STXBP5L: variants seen among roughly 807,000 people sequenced by gnomAD.
STXBP5L encodes the protein syntaxin binding protein 5L.
Under a neutral mutation model 144.5 loss-of-function variants are expected in STXBP5L, and 65 were observed. That is an observed-to-expected ratio of 0.45 (90% CI 0.37 to 0.55). STXBP5L has a LOEUF of 0.55. Among genes scored for constraint, STXBP5L ranks in the 20% least tolerant of loss-of-function variants. The pLI, the probability that STXBP5L is intolerant of heterozygous loss-of-function variation, is 0.00. For missense variants in STXBP5L, 1,298 were observed against 1,405.5 expected (o/e 0.92, Z 1.22); for synonymous variants, 505 against 469.6 (o/e 1.08, Z -0.97).
At chr3:121,237,517 T>C (rs1355483791) in intron 12 of STXBP5L, among the ~76,000 whole-genome samples, 2 of 152,222 alleles carry the variant, frequency 1.3e-5, no homozygotes, top group African/African-American at 4.8e-5. Flanking sequence ...TCTTGACTAT[T>C]AATACCTTGC....
chr3:121,282,254 C>T (rs1305364907), intron 19 of STXBP5L: 3 of 1,609,378 alleles, frequency 1.9e-6, no homozygotes, highest in South Asian at 2.2e-5. Context: ...GGTGGTCTGG[C>T]ATGTTCCAAA....
chr3:121,113,676 T>TTC (rs1477722458), intron 5 of STXBP5L, among the ~76,000 whole-genome samples: 15 of 143,958 alleles, frequency 1.0e-4, no homozygotes, highest in Non-Finnish European at 2.1e-4. Flanking sequence ...CTTTTTCTTT[T>TTC]TTTTTTTTTT....
intron 20 of STXBP5L, among the ~76,000 whole-genome samples, chr3:121,329,024 A>G (rs1018305942): frequency 2.0e-5 from 3 of 151,976 alleles, no homozygotes; most frequent in Non-Finnish European, 4.4e-5. Context: ...ATACACACAT[A>G]TATATAATGC....
At chr3:121,285,372 G>A (rs981086701) in intron 19 of STXBP5L, among the ~76,000 whole-genome samples, 3 of 152,040 alleles carry the variant, frequency 2.0e-5, no homozygotes, top group Admixed American at 6.6e-5. Flanking sequence ...GCTTTTCACT[G>A]TATAATCTTG....
At chr3:121,352,673 T>A (rs1260582152) in intron 20 of STXBP5L, among the ~76,000 whole-genome samples, 1 of 152,110 alleles carries the variant, frequency 6.6e-6, no homozygotes, top group Non-Finnish European at 1.5e-5. Flanking sequence ...TACCCTTTAT[T>A]TCTTTCTCTT....
intron 19 of STXBP5L, among the ~76,000 whole-genome samples, chr3:121,313,177 C>CGGACGGGG: frequency 7.7e-5 from 11 of 143,756 alleles, no homozygotes; most frequent in Admixed American, 2.7e-4. Flanking sequence ...GCAGAGGCGC[C>CGGACGGGG]CCTCACCTCC....
intron 3 of STXBP5L, among the ~76,000 whole-genome samples, chr3:121,038,130 C>T (rs1014952423): frequency 6.6e-6 from 1 of 151,676 alleles, no homozygotes; most frequent in African/African-American, 2.4e-5. Context: ...TGATCTGTTT[C>T]TATTTTATTG....
intron 9 of STXBP5L, among the ~76,000 whole-genome samples, chr3:121,163,852 C>G (rs1171638961): frequency 6.6e-6 from 1 of 151,452 alleles, no homozygotes; most frequent in East Asian, 1.9e-4. Context: ...GAATGTTAAA[C>G]TAGAAACTCT....
chr3:120,979,143 A>T (rs1031245024), intron 3 of STXBP5L, among the ~76,000 whole-genome samples: 1 of 152,194 alleles, frequency 6.6e-6, no homozygotes, highest in East Asian at 1.9e-4. Context: ...GTGCCTTGCC[A>T]CCAGAGGTGG....
chr3:121,271,882 A>G (rs1374567743), intron 18 of STXBP5L, among the ~76,000 whole-genome samples: 2 of 152,208 alleles, frequency 1.3e-5, no homozygotes, highest in African/African-American at 4.8e-5. Flanking sequence ...ACTTACAATC[A>G]TGGTGGAAGG....
At chr3:121,093,380 C>T (rs564157208) in intron 5 of STXBP5L, among the ~76,000 whole-genome samples, 4 of 152,222 alleles carry the variant, frequency 2.6e-5, no homozygotes, top group South Asian at 2.1e-4. Context: ...TGATAGAATT[C>T]GGCTGTGAAT....
chr3:121,334,406 T>A (rs1033276646), intron 20 of STXBP5L, among the ~76,000 whole-genome samples: 5 of 151,808 alleles, frequency 3.3e-5, no homozygotes, highest in African/African-American at 1.2e-4. Flanking sequence ...GAGGTCAGCA[T>A]CATCCTGATA....
chr3:121,379,030 G>A, intron 21 of STXBP5L, 144 bp downstream of exon 21: 1 of 882,352 alleles, frequency 1.1e-6, no homozygotes, highest in Non-Finnish European at 1.7e-6. Flanking sequence ...TGATGGGGCT[G>A]TGGCCATAAC....
At chr3:121,100,944 C>A (rs1352404492) in intron 5 of STXBP5L, among the ~76,000 whole-genome samples, 1 of 151,878 alleles carries the variant, frequency 6.6e-6, no homozygotes. Context: ...ATAAAATATC[C>A]TCCAAGACTG....
At chr3:121,076,422 T>C (rs1005810734) in intron 5 of STXBP5L, among the ~76,000 whole-genome samples, 1 of 152,168 alleles carries the variant, frequency 6.6e-6, no homozygotes, top group African/African-American at 2.4e-5. Context: ...TATGACTCCT[T>C]TTCTTTTTCT....
At chr3:121,009,520 G>A (rs1468405322) in intron 3 of STXBP5L, among the ~76,000 whole-genome samples, 1 of 151,964 alleles carries the variant, frequency 6.6e-6, no homozygotes, top group Admixed American at 6.6e-5. Context: ...GAATGTGGTA[G>A]CAGTTCATTT....
chr3:121,310,675 A>C lies in STXBP5L; in HGVS notation c.2111-7800A>C, dbSNP rs187386014. Among the ~76,000 whole-genome samples, 138 of 151,788 alleles carry C rather than the reference A, an allele frequency of 9.1e-4. 2 individuals carry two copies. Among genetic ancestry groups the C allele is most frequent in the East Asian group, 4.7e-3 (24 of 5,136 alleles). On this transcript the variant is annotated intron_variant, in intron 19 of 26. Transcript: ENST00000471454. Reference sequence around the variant, plus strand: ...TGTAATCCTAGCACCTTGGGAGGCCAAGGCAGGTAGACCACTGGAGGTCAG... The same window carrying C: ...TGTAATCCTAGCACCTTGGGAGGCCCAGGCAGGTAGACCACTGGAGGTCAG...
At chr3:120,969,933 G>A (rs1940046278) in intron 3 of STXBP5L, among the ~76,000 whole-genome samples, 1 of 151,830 alleles carries the variant, frequency 6.6e-6, no homozygotes, top group South Asian at 2.1e-4. Flanking sequence ...TTTTGATTTT[G>A]TGCTACTTAT....
At chr3:121,139,948 T>C (rs1167588669) in intron 7 of STXBP5L, among the ~76,000 whole-genome samples, 1 of 151,798 alleles carries the variant, frequency 6.6e-6, no homozygotes, top group Non-Finnish European at 1.5e-5. Flanking sequence ...CTCAGACAAC[T>C]CACCATAAAA....
Sources: gnomAD v4.1 joint callset for allele counts (sites outside exome capture counted in the v4.1 genomes callset) on GRCh38, gnomAD v4.1.1 for gene constraint, MANE v1.5 for transcripts, NCBI Gene and HGNC (gene_info 2026-07-23, HGNC 2026-07-21) for gene names.